Variants in HMGB1 observed in about 807,000 individuals in gnomAD.
HMGB1 encodes the protein high mobility group protein B1.
For synonymous variants in HMGB1, 81 were observed against 84.0 expected, an observed-to-expected ratio of 0.96 and a Z score of 0.19; for missense variants, 79 against 253.5, an observed-to-expected ratio of 0.31 and a Z score of 4.67.
chr13:30,510,710 G>A (rs889066323), intron 1 of HMGB1, among the ~76,000 whole-genome samples: 1 of 152,064 alleles, frequency 6.6e-6, no homozygotes, highest in African/African-American at 2.4e-5. Flanking sequence ...GATCTAACTC[G>A]CGAGGAGGCT....
At chr13:30,533,565 A>G (rs150677773) in intron 1 of HMGB1, among the ~76,000 whole-genome samples, 2,853 of 151,868 alleles carry the variant, frequency 0.019, 90 homozygotes, top group African/African-American at 0.066. Context: ...GGATTTCACC[A>G]TGTTAGCCAG....
At chr13:30,575,085 T>C (rs1870592917) in intron 1 of HMGB1, among the ~76,000 whole-genome samples, 1 of 152,194 alleles carries the variant, frequency 6.6e-6, no homozygotes, top group South Asian at 2.1e-4. Flanking sequence ...GGTGTGCATA[T>C]GTTTATTATT....
intron 1 of HMGB1, among the ~76,000 whole-genome samples, chr13:30,474,931 T>C (rs12861775): frequency 0.32 from 38,850 of 120,182 alleles, 7,149 homozygotes; most frequent in East Asian, 0.58. Flanking sequence ...CTCACTCTCT[T>C]TCTCTTTTTT....
At chr13:30,497,048 G>A (rs1239212991) in intron 1 of HMGB1, among the ~76,000 whole-genome samples, 1 of 152,020 alleles carries the variant, frequency 6.6e-6, no homozygotes, top group African/African-American at 2.4e-5. Flanking sequence ...ATTATAAACT[G>A]AGACCTTGAT....
intron 1 of HMGB1, among the ~76,000 whole-genome samples, chr13:30,614,326 C>T (rs556862098): frequency 1.8e-4 from 28 of 152,282 alleles, no homozygotes; most frequent in African/African-American, 6.0e-4. Context: ...GTAGGAAAAA[C>T]TTTTTAAAGC....
intron 1 of HMGB1, among the ~76,000 whole-genome samples, chr13:30,473,286 G>C (rs1478633822): frequency 1.3e-5 from 2 of 152,100 alleles, no homozygotes; most frequent in Admixed American, 1.3e-4. Context: ...TTGTACCAAA[G>C]CTAATTTATA....
In HMGB1 at chr13:30,490,026, CA is replaced by C. The variant is rs780306690; in HGVS notation, c.-14-26333del. On this transcript the variant is annotated intron_variant, in intron 1 of 4. Transcript: ENST00000405805. ...CAGGCATCAGCCACTGCGCTGGTCT[CA>C]AAAAAAAAAAAAAAAAAAAAAGCTG... Among the ~76,000 whole-genome samples the C allele has an allele frequency of 8.9e-3, 586 of 65,630 alleles. 1 individual carries two copies. The highest frequency in any genetic ancestry group is 0.03 in the African/African-American group (495 of 16,634). 43.1% of individuals were successfully genotyped at this position (65,630 alleles called of 152,430 possible).
intron 1 of HMGB1, among the ~76,000 whole-genome samples, chr13:30,497,371 T>TGGGATTACA (rs757924659): frequency 6.6e-6 from 1 of 151,464 alleles, no homozygotes; most frequent in Non-Finnish European, 1.5e-5. Context: ...GGATTACAGG[T>TGGGATTACA]GCCTGCCACT....
At chr13:30,573,357 C>T (rs1446936111) in intron 1 of HMGB1, among the ~76,000 whole-genome samples, 1 of 152,124 alleles carries the variant, frequency 6.6e-6, no homozygotes, top group African/African-American at 2.4e-5. Context: ...ATAGCTTCTC[C>T]ATAATAAATT....
chr13:30,464,734 CGCGA>C (rs1886622650), intron 1 of HMGB1: 2 of 548,918 alleles, frequency 3.6e-6, no homozygotes, highest in African/African-American at 2.1e-5. Flanking sequence ...CGAGGGCGAG[CGCGA>C]GCGAGAATAT....
chr13:30,525,857 G>GGT (rs904620667), intron 1 of HMGB1, among the ~76,000 whole-genome samples: 2 of 150,712 alleles, frequency 1.3e-5, no homozygotes, highest in African/African-American at 2.5e-5. Context: ...ATGAGATTGT[G>GGT]GGGGGACACA....
intron 1 of HMGB1, among the ~76,000 whole-genome samples, chr13:30,615,172 A>T (rs1413390052): frequency 6.6e-6 from 1 of 152,220 alleles, no homozygotes. Flanking sequence ...GCATGATATG[A>T]CAGACACACA....
In HMGB1 at chr13:30,458,423, G is replaced by C. The variant is rs989016503; in HGVS notation, c.*2934C>G. The C allele has an allele frequency of 1.4e-5, 2 of 145,328 alleles. No homozygotes were observed. Among genetic ancestry groups the C allele is most frequent in the Non-Finnish European group, 3.0e-5 (2 of 67,238 alleles). 9.0% of individuals were successfully genotyped at this position (145,328 alleles called of 1,614,324 possible). A position where few individuals can be genotyped will look rare whatever the true frequency, so the allele number is the denominator to read the frequency against. ...CGGCTCACTGCAACCTCCGCCTCCC[G>C]GGTTCACGCCATTCTCCTGCCTCAG... On this transcript the variant is annotated 3_prime_UTR_variant, in exon 5 of 5. Coordinates refer to ENST00000341423, the MANE Select transcript of HMGB1 (RefSeq NM_002128.7).
chr13:30,464,294 C>G (rs959886386), intron 1 of HMGB1: 34 of 985,382 alleles, frequency 3.5e-5, no homozygotes, highest in Non-Finnish European at 4.0e-5. Context: ...CGTTTCCTAT[C>G]GGTTTGGCCC....
chr13:30,475,931 C>T (rs1887085760), intron 1 of HMGB1, among the ~76,000 whole-genome samples: 1 of 152,160 alleles, frequency 6.6e-6, no homozygotes, highest in African/African-American at 2.4e-5. Context: ...TTCACCCAAT[C>T]ATATCACCTC....
intron 1 of HMGB1, among the ~76,000 whole-genome samples, chr13:30,471,537 TAG>T (rs1361574062): frequency 6.6e-6 from 1 of 150,538 alleles, no homozygotes; most frequent in Non-Finnish European, 1.5e-5. Context: ...GTATTTTTAG[TAG>T]AGACGGGATT....
intron 1 of HMGB1, among the ~76,000 whole-genome samples, chr13:30,546,282 A>T (rs1359914498): frequency 6.6e-6 from 1 of 152,036 alleles, no homozygotes; most frequent in Non-Finnish European, 1.5e-5. Context: ...CGCCTGGCTA[A>T]TTTTTTGTAT....
At chr13:30,573,446 GACC>G (rs563808316) in intron 1 of HMGB1, among the ~76,000 whole-genome samples, 111 of 152,202 alleles carry the variant, frequency 7.3e-4, no homozygotes, top group African/African-American at 2.5e-3. Context: ...TTCAAAATAG[GACC>G]ACATTTCTGT....
chr13:30,473,004 G>C (rs1428285763), intron 1 of HMGB1, among the ~76,000 whole-genome samples: 1 of 152,036 alleles, frequency 6.6e-6, no homozygotes, highest in African/African-American at 2.4e-5. Flanking sequence ...TAGTCACCGA[G>C]GTCTATGCTC....
Sources: gnomAD v4.1 joint callset for allele counts (sites outside exome capture counted in the v4.1 genomes callset) on GRCh38, gnomAD v4.1.1 for gene constraint, MANE v1.5 for transcripts, NCBI Gene and HGNC (gene_info 2026-07-23, HGNC 2026-07-21) for gene names.